The following LRWD1 variants were observed in gnomAD, a reference collection of about 807,000 sequenced individuals.
The protein encoded by LRWD1 is leucine-rich repeat and WD repeat-containing protein 1.
In LRWD1, 76 loss-of-function variants were observed where a neutral mutation model predicts 75.6. The ratio of observed to expected loss-of-function variants is 1.01; its 90% CI spans 0.84 to 1.22. LRWD1 has a LOEUF of 1.22. Ranked by LOEUF, LRWD1 falls within the 50% of genes most tolerant of loss-of-function variation. The pLI, the probability that LRWD1 is intolerant of heterozygous loss-of-function variation, is 0.00. For missense variants in LRWD1, 917 were observed against 862.0 expected, an observed-to-expected ratio of 1.06 and a Z score of -0.80; for synonymous variants, 487 against 377.0, an observed-to-expected ratio of 1.29 and a Z score of -3.38.
rs770403031 is a variant in LRWD1 at position 102,473,083 on chromosome 7, T to TAAC, written c.*35_*37dup. 1.3e-6 allele frequency: 2 copies of TAAC among 1,533,312 alleles called. No individual in the cohort carries two copies. Among genetic ancestry groups the TAAC allele is most frequent in the East Asian group, 5.4e-5 (2 of 36,996 alleles). The allele number at this position is 1,533,312 out of a possible 1,614,324, so 95.0% of individuals were successfully genotyped here. A position where few individuals can be genotyped will look rare whatever the true frequency, so the allele number is the denominator to read the frequency against. ...CATCGCAAAGGACCAGGGACACAGC[T>TAAC]AACTAACTTATTCAGCTTTGGGCCG... On this transcript the variant is annotated 3_prime_UTR_variant, in exon 15 of 15. Coordinates refer to ENST00000292616, the MANE Select transcript of LRWD1 (RefSeq NM_152892.3).
intron 1 of LRWD1, 73 bp downstream of exon 1, chr7:102,465,233 C>G: frequency 7.7e-7 from 1 of 1,301,790 alleles, no homozygotes; most frequent in Non-Finnish European, 1.0e-6. Flanking sequence ...GGACCCTCCC[C>G]AACGGCCCGC....
At position 102,465,146 on chromosome 7, in the gene LRWD1, G is replaced by A. The variant is rs553520557; in HGVS notation, c.66G>A (p.Lys22=). ...GCCCCAAGAGCGACCGGCTGGGGAA[G>A]ATCCGGAGTCTGGAGTAAGAGCCGG... ...RGRPKSDRLG[K]IRSLDLSGLE... Residue 22 remains lysine (K), a synonymous_variant, in exon 1 of 15, where the codon AAG becomes AAA. Transcript: ENST00000292616. The A allele has an allele frequency of 2.6e-6, 4 of 1,514,442 alleles. No individual in the cohort carries two copies. The Admixed American group carries it at 7.0e-5, about 26-fold the overall frequency. 93.8% of individuals were successfully genotyped at this position (1,514,442 alleles called of 1,614,324 possible).
Position 102,468,583 on chromosome 7 carries a change from G to A in LRWD1, c.949G>A (p.Gly317Ser), listed in dbSNP as rs979331933. 14 of 1,577,284 alleles carry A rather than the reference G, an allele frequency of 8.9e-6. No homozygotes were observed. The highest frequency in any genetic ancestry group is 1.7e-4 in the Middle Eastern group (1 of 6,046). Residue 317 changes from glycine to serine, a missense_variant, in exon 8 of 15, where the codon GGC becomes AGC. Coordinates refer to ENST00000292616, the MANE Select transcript of LRWD1 (RefSeq NM_152892.3). ...CACATCCCAGACCGTGGCCACGTGC[G>A]GCGGGGAGGCTGTGTGCGTAATTGA... is the stretch of plus-strand genomic sequence containing the variant. ...GATSQTVATC[G>S]GEAVCVIDCQ...
In LRWD1 at chr7:102,465,488, GCTTTTTTTTTTTTTTTTTTTTTTTTTTT is replaced by G. The variant is rs1165732639; in HGVS notation, c.81-328_81-301del. The G allele has an allele frequency of 7.4e-5, 8 of 108,044 alleles. 1 individual carries two copies. The highest frequency in any genetic ancestry group is 3.5e-4 in the African/African-American group (7 of 19,954). The allele number at this position is 108,044 out of a possible 1,614,324, so 6.7% of individuals were successfully genotyped here. On this transcript the variant is annotated intron_variant, in intron 1 of 14. Coordinates refer to ENST00000292616, the MANE Select transcript of LRWD1 (RefSeq NM_152892.3). ...GCCCCCGAGTCCTAAAGTAGTTGCA[GCTTTTTTTTTTTTTTTTTTTTTTTTTTT>G]TTTTTTTTTGTTAAGTGGTGTGGAG...
In LRWD1 at chr7:102,473,116, T is replaced by TG. The variant is rs61229695; in HGVS notation, c.*76dup. On this transcript the variant is annotated 3_prime_UTR_variant, in exon 15 of 15. Coordinates refer to ENST00000292616, the MANE Select transcript of LRWD1 (RefSeq NM_152892.3). ...TTATTCAGCTTTGGGCCGATGGGGGTGGGGGGGGGTCTTTCAGTGAATATT... is the reference window on the plus strand; with the variant it reads ...TTATTCAGCTTTGGGCCGATGGGGGTGGGGGGGGGGTCTTTCAGTGAATATT... 2.6e-3 allele frequency: 3,172 copies of TG among 1,210,900 alleles called. 38 individuals are homozygous for TG. The highest frequency in any genetic ancestry group is 0.025 in the Admixed American group (1,045 of 42,096). 75.0% of individuals were successfully genotyped at this position (1,210,900 alleles called of 1,614,324 possible). A position where few individuals can be genotyped will look rare whatever the true frequency, so the allele number is the denominator to read the frequency against.
Position 102,469,733 on chromosome 7 carries a change from C to A in LRWD1, c.1302-9C>A, listed in dbSNP as rs767057173. ...GTCTGATGCTCTGTTCCCCCTTGCC[C>A]ACTGGCAGCCAGCTGCTCACACTGG... is the stretch of plus-strand genomic sequence containing the variant. On this transcript the variant is annotated splice_polypyrimidine_tract_variant and intron_variant, in intron 10 of 14. Transcript: ENST00000292616. The A allele has an allele frequency of 6.2e-7, 1 of 1,609,510 alleles. No homozygotes were observed. The highest frequency in any genetic ancestry group is 1.1e-5 in the South Asian group (1 of 90,674).
At position 102,469,441 on chromosome 7, in the gene LRWD1, T is replaced by A; in HGVS notation, c.1229-133T>A. 8 of 997,444 alleles carry A rather than the reference T, an allele frequency of 8.0e-6. No individual in the cohort carries two copies. In the East Asian group the frequency reaches 1.7e-4, roughly 21 times the overall value. The allele number at this position is 997,444 out of a possible 1,614,324, so 61.8% of individuals were successfully genotyped here. ...TTGGGGGCCCAGGAGTGTTCCTGTC[T>A]CCTAGCCTCGGCCCGCCCTCCCCGC... On this transcript the variant is annotated intron_variant, in intron 9 of 14. Transcript: ENST00000292616.
intron 12 of LRWD1, 37 bp downstream of exon 12, chr7:102,472,346 G>C: frequency 6.4e-7 from 1 of 1,554,446 alleles, no homozygotes; most frequent in Non-Finnish European, 8.7e-7. Context: ...CCTGGCCTCC[G>C]GGCACACAGA....
chr7:102,473,131 C>T lies in LRWD1; in HGVS notation c.*82C>T, dbSNP rs1798275557. Reference sequence around the variant, plus strand: ...CCGATGGGGGTGGGGGGGGGTCTTTCAGTGAATATTTTTATTAAACTCTAC... The same window carrying T: ...CCGATGGGGGTGGGGGGGGGTCTTTTAGTGAATATTTTTATTAAACTCTAC... On this transcript the variant is annotated 3_prime_UTR_variant, in exon 15 of 15. Coordinates refer to ENST00000292616, the MANE Select transcript of LRWD1 (RefSeq NM_152892.3). The T allele has an allele frequency of 1.4e-6, 2 of 1,426,520 alleles. No homozygotes were observed. Among genetic ancestry groups the T allele is most frequent in the East Asian group, 2.3e-5 (1 of 42,994 alleles). The allele number at this position is 1,426,520 out of a possible 1,614,324, so 88.4% of individuals were successfully genotyped here. A position where few individuals can be genotyped will look rare whatever the true frequency, so the allele number is the denominator to read the frequency against.
chr7:102,467,528 A>T, intron 4 of LRWD1, 49 bp downstream of exon 4: 1 of 1,601,016 alleles, frequency 6.2e-7, no homozygotes, highest in Non-Finnish European at 8.5e-7. Flanking sequence ...TCGTATCTCT[A>T]GCTGCCTGGA....
chr7:102,468,413 G>A (rs1300719064), intron 7 of LRWD1, 36 bp downstream of exon 7: 1 of 1,564,808 alleles, frequency 6.4e-7, no homozygotes, highest in Non-Finnish European at 8.7e-7. Context: ...AAGGGCCGCT[G>A]GAAATAGGGC....
rs781734393 is a variant in LRWD1 at position 102,465,841 on chromosome 7, C to T, written c.105C>T (p.Ser35=). 2.6e-5 allele frequency: 42 copies of T among 1,613,144 alleles called. No individual in the cohort carries two copies. The highest frequency in any genetic ancestry group is 3.2e-5 in the Non-Finnish European group (38 of 1,179,980). Residue 35 remains serine, a synonymous_variant, in exon 2 of 15, where the codon TCC becomes TCT. Transcript: ENST00000292616. ...SLDLSGLELL[S]EHLDPKLLCR... Reference sequence around the variant, plus strand: ...GCCTGTCAGGATTGGAGCTGCTTTCCGAGCACCTGGACCCCAAACTCCTGT... The same window carrying T: ...GCCTGTCAGGATTGGAGCTGCTTTCTGAGCACCTGGACCCCAAACTCCTGT...
At chr7:102,469,675 G>T (rs764574454) in intron 10 of LRWD1, 29 bp downstream of exon 10, 4 of 1,614,036 alleles carry the variant, frequency 2.5e-6, no homozygotes, top group East Asian at 4.5e-5. Context: ...CTGGGGAGTG[G>T]CCAGCTGCTG....
intron 5 of LRWD1, 76 bp from the exon 6 acceptor site, chr7:102,467,986 G>A: frequency 6.4e-7 from 1 of 1,564,754 alleles, no homozygotes; most frequent in Non-Finnish European, 8.6e-7. Flanking sequence ...TCCGCAGTGA[G>A]GTGGGGTCCA....
Position 102,473,145 on chromosome 7 carries a change from A to G in LRWD1, c.*96A>G. ...GGGGGGTCTTTCAGTGAATATTTTTATTAAACTCTACTGTGGACAAGAAGC... is the reference window on the plus strand; with the variant it reads ...GGGGGGTCTTTCAGTGAATATTTTTGTTAAACTCTACTGTGGACAAGAAGC... On this transcript the variant is annotated 3_prime_UTR_variant, in exon 15 of 15. Coordinates refer to ENST00000292616, the MANE Select transcript of LRWD1 (RefSeq NM_152892.3). The G allele has an allele frequency of 7.4e-7, 1 of 1,350,200 alleles. No homozygotes were observed. The highest frequency in any genetic ancestry group is 1.0e-6 in the Non-Finnish European group (1 of 988,012). 83.6% of individuals were successfully genotyped at this position (1,350,200 alleles called of 1,614,324 possible).
intron 3 of LRWD1, among the ~76,000 whole-genome samples, chr7:102,466,767 T>TG: frequency 2.9e-4 from 2 of 6,918 alleles, no homozygotes; most frequent in Middle Eastern, 0.038. Flanking sequence ...TACCTTTTTT[T>TG]TTTTTTTTTT....
At position 102,472,951 on chromosome 7, in the gene LRWD1, A is replaced by ACCAAGACCATGGTGAACACAGTGGTGG; in HGVS notation, c.1851_1877dup (p.Lys617_Ala625dup). On this transcript the variant is annotated inframe_insertion, in exon 15 of 15. Transcript: ENST00000292616. Reference sequence around the variant, plus strand: ...GCCCTGGGCCCTTGGCCAGGTGGTGACCAAGACCATGGTGAACACAGTGGT... The same window carrying ACCAAGACCATGGTGAACACAGTGGTGG: ...GCCCTGGGCCCTTGGCCAGGTGGTGACCAAGACCATGGTGAACACAGTGGTGGCCAAGACCATGGTGAACACAGTGGT... 6.2e-7 allele frequency: 1 copy of ACCAAGACCATGGTGAACACAGTGGTGG among 1,613,840 alleles called. No individual in the cohort carries two copies. The highest frequency in any genetic ancestry group is 8.5e-7 in the Non-Finnish European group (1 of 1,179,922).
At position 102,471,637 on chromosome 7, in the gene LRWD1, C is replaced by T. The variant is rs1004638901; in HGVS notation, c.1443-581C>T. ...GTTAGCTGCTGGGCCACTCTCCTGG[C>T]TCCAGGCTAGCCTCCGAGAGTCAGG... is the stretch of plus-strand genomic sequence containing the variant. On this transcript the variant is annotated intron_variant, in intron 11 of 14. Transcript: ENST00000292616. 6.8e-4 allele frequency: 108 copies of T among 159,014 alleles called. 2 individuals carry two copies. The highest frequency in any genetic ancestry group is 1.5e-4 in the Non-Finnish European group (11 of 71,190). 9.9% of individuals were successfully genotyped at this position (159,014 alleles called of 1,614,324 possible). A position where few individuals can be genotyped will look rare whatever the true frequency, so the allele number is the denominator to read the frequency against.
rs778503361 is a variant in LRWD1, at chr7:102,469,804, C to T, written c.1364C>T (p.Pro455Leu). The change falls in exon 11 of 15, where the codon CCG becomes CTG. Residue 455 changes from proline (P) to leucine (L), a missense_variant. By Grantham distance (98) the Pro-to-Leu change is moderately conservative. Coordinates refer to ENST00000292616, the MANE Select transcript of LRWD1 (RefSeq NM_152892.3). ...CGCCTCTGCCCTGTCGCCTCCTGCCCGGACGCCCGCCTGCTGGCCGGCTGC... is the reference window on the plus strand; with the variant it reads ...CGCCTCTGCCCTGTCGCCTCCTGCCTGGACGCCCGCCTGCTGGCCGGCTGC... The part of the protein sequence containing the change: ...PLRLCPVASC[P>L]DARLLAGCEG... 2.2e-5 allele frequency: 35 copies of T among 1,607,996 alleles called. No individual in the cohort carries two copies. Among genetic ancestry groups the T allele is most frequent in the Middle Eastern group, 1.7e-4 (1 of 6,060 alleles).
Sources: gnomAD v4.1 joint callset for allele counts (sites outside exome capture counted in the v4.1 genomes callset) on GRCh38, gnomAD v4.1.1 for gene constraint, MANE v1.5 for transcripts, NCBI Gene and HGNC (gene_info 2026-07-23, HGNC 2026-07-21) for gene names.